The following FAM53B variants were observed in gnomAD, a reference collection of about 807,000 sequenced individuals.
FAM53B encodes protein FAM53B.
A neutral mutation model predicts 32.7 loss-of-function variants in FAM53B; 12 were observed. The observed-to-expected ratio is 0.37, with a 90% confidence interval of 0.24 to 0.59. FAM53B has a LOEUF of 0.59. Ranked by LOEUF, FAM53B falls within the 20% of genes least tolerant of loss-of-function variation. FAM53B has a pLI of 0.72. For synonymous variants in FAM53B, 234 were observed against 228.7 expected, an observed-to-expected ratio of 1.02 and a Z score of -0.21; for missense variants, 477 against 577.7, an observed-to-expected ratio of 0.83 and a Z score of 1.79.
chr10:124,657,840 G>C (rs1257620730), intron 4 of FAM53B, among the ~76,000 whole-genome samples: 1 of 152,216 alleles, frequency 6.6e-6, no homozygotes, highest in African/African-American at 2.4e-5. Context: ...GAAATCCAAT[G>C]ACTTGCTCAA....
chr10:124,624,312 G>A lies in FAM53B; in HGVS notation c.907-708C>T, dbSNP rs182723972. 3.5e-4 allele frequency among the ~76,000 whole-genome samples: 53 copies of A among 152,328 alleles called. 1 individual carries two copies. The highest frequency in any genetic ancestry group is 1.2e-3 in the African/African-American group (50 of 41,584). On this transcript the variant is annotated intron_variant, in intron 4 of 4. Coordinates refer to ENST00000337318, the MANE Select transcript of FAM53B (RefSeq NM_014661.4). ...GCCTGGTGTGTAACAGAGCCATGCAGGGAGCTGGGGAAACATGAGTTCTCG... is the reference window on the plus strand; with the variant it reads ...GCCTGGTGTGTAACAGAGCCATGCAAGGAGCTGGGGAAACATGAGTTCTCG...
intron 4 of FAM53B, among the ~76,000 whole-genome samples, chr10:124,637,133 G>A (rs968221155): frequency 6.6e-6 from 1 of 152,136 alleles, no homozygotes; most frequent in African/African-American, 2.4e-5. Context: ...GCTCCCACTC[G>A]AGAGGGCCCC....
At chr10:124,668,280 T>C (rs906341085) in intron 4 of FAM53B, among the ~76,000 whole-genome samples, 1 of 152,246 alleles carries the variant, frequency 6.6e-6, no homozygotes, top group Non-Finnish European at 1.5e-5. Context: ...ATCTCGCCCC[T>C]TGGCCTAAGC....
chr10:124,625,542 T>A (rs1445660119), intron 4 of FAM53B, among the ~76,000 whole-genome samples: 2 of 152,130 alleles, frequency 1.3e-5, no homozygotes, highest in Non-Finnish European at 2.9e-5. Flanking sequence ...CCTCACCGGC[T>A]CCTGGCCAGG....
At position 124,678,330 on chromosome 10, in the gene FAM53B, C is replaced by T. The variant is rs562188581; in HGVS notation, c.906+3277G>A. Among the ~76,000 whole-genome samples the T allele has an allele frequency of 8.5e-4, 130 of 152,194 alleles. 1 individual carries two copies. The highest frequency in any genetic ancestry group is 1.3e-3 in the Non-Finnish European group (87 of 68,034). On this transcript the variant is annotated intron_variant, in intron 4 of 4. Transcript: ENST00000337318. ...ACATACAGATACAGATACACACACA[C>T]GCATATCAACAGATGTGGACACATA...
intron 1 of FAM53B, among the ~76,000 whole-genome samples, chr10:124,715,703 G>A (rs755166616): frequency 4.6e-5 from 7 of 152,218 alleles, no homozygotes; most frequent in Non-Finnish European, 8.8e-5. Context: ...TTGAGTCCAC[G>A]CTCAGCCCAG....
chr10:124,737,264 T>C (rs1950178479), intron 1 of FAM53B, among the ~76,000 whole-genome samples: 1 of 152,210 alleles, frequency 6.6e-6, no homozygotes, highest in Non-Finnish European at 1.5e-5. Flanking sequence ...GGAAGAGCCC[T>C]TATTCACTAC....
chr10:124,663,654 G>A (rs539948148), intron 4 of FAM53B, among the ~76,000 whole-genome samples: 26 of 152,314 alleles, frequency 1.7e-4, no homozygotes, highest in African/African-American at 6.0e-4. Flanking sequence ...AAGTCCCATC[G>A]TGCTGCCAGG....
chr10:124,697,840 T>C (rs1224866540), intron 2 of FAM53B, among the ~76,000 whole-genome samples: 2 of 152,148 alleles, frequency 1.3e-5, no homozygotes, highest in Admixed American at 6.5e-5. Context: ...CCTCCTGGAT[T>C]CCACAGTGAT....
chr10:124,673,394 C>T (rs560981961), intron 4 of FAM53B, among the ~76,000 whole-genome samples: 17 of 152,330 alleles, frequency 1.1e-4, no homozygotes, highest in Admixed American at 9.1e-4. Flanking sequence ...CTTAACAACC[C>T]ACCCATGAGA....
chr10:124,740,611 A>C (rs1315695013), intron 1 of FAM53B, among the ~76,000 whole-genome samples: 1 of 152,218 alleles, frequency 6.6e-6, no homozygotes, highest in Non-Finnish European at 1.5e-5. Flanking sequence ...AAGGTGACTC[A>C]GCCATCCAGA....
chr10:124,654,885 G>A (rs1448449017), intron 4 of FAM53B, among the ~76,000 whole-genome samples: 1 of 152,184 alleles, frequency 6.6e-6, no homozygotes, highest in East Asian at 1.9e-4. Context: ...AGCTCCATGG[G>A]GGAAGTCACA....
intron 4 of FAM53B, among the ~76,000 whole-genome samples, chr10:124,670,577 C>T (rs1245660396): frequency 6.6e-6 from 1 of 152,216 alleles, no homozygotes. Context: ...ACTCCGACCC[C>T]AGTCACCGCA....
intron 2 of FAM53B, among the ~76,000 whole-genome samples, chr10:124,701,923 G>A (rs1033458155): frequency 6.6e-6 from 1 of 152,196 alleles, no homozygotes; most frequent in Non-Finnish European, 1.5e-5. Context: ...TTTTAAAACA[G>A]GGGAACCAGA....
intron 1 of FAM53B, among the ~76,000 whole-genome samples, chr10:124,711,337 T>G (rs1950001959): frequency 1.3e-5 from 2 of 151,874 alleles, no homozygotes; most frequent in South Asian, 4.2e-4. Flanking sequence ...AGGAGGGAAA[T>G]GGGCGTGGCT....
At position 124,644,223 on chromosome 10, in the gene FAM53B, A is replaced by C. The variant is rs371380774; in HGVS notation, c.907-20619T>G. 3.3e-5 allele frequency among the ~76,000 whole-genome samples: 5 copies of C among 152,288 alleles called. No homozygotes were observed. In the South Asian group the frequency reaches 1.0e-3, roughly 32 times the overall value. On this transcript the variant is annotated intron_variant, in intron 4 of 4. Transcript: ENST00000337318. ...CCCACCGAGCCTGCCTCAATTGGAA[A>C]ATGCTGGTAAGGAGAGCTAGCTCAC...
At chr10:124,630,229 A>G (rs540320084) in intron 4 of FAM53B, among the ~76,000 whole-genome samples, 40 of 152,368 alleles carry the variant, frequency 2.6e-4, no homozygotes, top group African/African-American at 9.1e-4. Flanking sequence ...CCTGGGCAAC[A>G]TGGCAAAACC....
intron 1 of FAM53B, among the ~76,000 whole-genome samples, 189 bp downstream of exon 1, chr10:124,743,824 C>T (rs1218899911): frequency 6.6e-6 from 1 of 151,974 alleles, no homozygotes; most frequent in Non-Finnish European, 1.5e-5. Context: ...CCCGACCCAA[C>T]CCAAAGGCGA....
At position 124,696,216 on chromosome 10, in the gene FAM53B, A is replaced by T. The variant is rs1949869163; in HGVS notation, c.79-4T>A. 1 of 1,613,674 alleles carries T rather than the reference A, an allele frequency of 6.2e-7. No homozygotes were observed. Among genetic ancestry groups the T allele is most frequent in the African/African-American group, 1.3e-5 (1 of 74,916 alleles). Reference sequence around the variant, plus strand: ...GACTCATCTTCTTTGGCGTGTGCTGAAAACAACCAGAAAAGCTATTCACTC... The same window carrying T: ...GACTCATCTTCTTTGGCGTGTGCTGTAAACAACCAGAAAAGCTATTCACTC... On this transcript the variant is annotated splice_polypyrimidine_tract_variant and splice_region_variant and intron_variant, in intron 2 of 4. Coordinates refer to ENST00000337318, the MANE Select transcript of FAM53B (RefSeq NM_014661.4).
Sources: allele counts gnomAD v4.1 joint callset (sites outside exome capture counted in the v4.1 genomes callset), GRCh38; gene constraint gnomAD v4.1.1; transcripts MANE v1.5; gene names NCBI Gene and HGNC (gene_info 2026-07-23, HGNC 2026-07-21).